Variants in SPAG16 observed in about 807,000 individuals in gnomAD.
SPAG16 encodes sperm associated antigen 16.
A neutral mutation model predicts 80.4 loss-of-function variants in SPAG16; 86 were observed. That is an observed-to-expected ratio of 1.07 (90% CI 0.90 to 1.28). SPAG16 has a LOEUF of 1.28. Ranked by LOEUF, SPAG16 falls within the 50% of genes most tolerant of loss-of-function variation. SPAG16 has a pLI of 0.00. For synonymous variants in SPAG16, 294 were observed against 265.9 expected (o/e 1.11, Z -1.03); for missense variants, 870 against 765.3 (o/e 1.14, Z -1.61).
intron 10 of SPAG16, among the ~76,000 whole-genome samples, chr2:213,617,682 A>T (rs78081328): frequency 6.6e-6 from 1 of 152,106 alleles, no homozygotes; most frequent in African/African-American, 2.4e-5. Flanking sequence ...GCATAGTGGC[A>T]TGTGCCTGTA....
intron 10 of SPAG16, among the ~76,000 whole-genome samples, chr2:213,814,872 A>AATAT (rs34269015): frequency 4.5e-4 from 66 of 148,258 alleles, no homozygotes; most frequent in East Asian, 1.4e-3. Context: ...AACAGCCTTA[A>AATAT]ATATATATAT....
At chr2:214,262,188 A>G (rs1576623854) in intron 15 of SPAG16, among the ~76,000 whole-genome samples, 2 of 152,088 alleles carry the variant, frequency 1.3e-5, no homozygotes, top group African/African-American at 4.8e-5. Flanking sequence ...AGTGTATTAT[A>G]TAAGAAAAAC....
chr2:213,867,183 A>G (rs924252159), intron 11 of SPAG16, among the ~76,000 whole-genome samples: 3 of 152,216 alleles, frequency 2.0e-5, no homozygotes, highest in African/African-American at 7.2e-5. Context: ...ATTTACCACT[A>G]GATTAAGGTC....
chr2:214,012,279 TATATATATA>T (rs1448598170), intron 12 of SPAG16, among the ~76,000 whole-genome samples: 2,808 of 58,966 alleles, frequency 0.048, 70 homozygotes, highest in East Asian at 0.067. Flanking sequence ...TATATATATA[TATATATATA>T]TTTTTTTTTT....
intron 15 of SPAG16, among the ~76,000 whole-genome samples, chr2:214,289,520 A>T (rs1693632640): frequency 6.6e-6 from 1 of 152,186 alleles, no homozygotes; most frequent in Non-Finnish European, 1.5e-5. Flanking sequence ...TAATGCCTTT[A>T]TCAAAAATAA....
chr2:213,590,014 C>G (rs1169601183), intron 10 of SPAG16, among the ~76,000 whole-genome samples: 2 of 151,766 alleles, frequency 1.3e-5, no homozygotes, highest in African/African-American at 4.8e-5. Flanking sequence ...AATAATATTC[C>G]CTCCCATTCT....
chr2:213,986,364 G>C (rs1012040916), intron 12 of SPAG16, among the ~76,000 whole-genome samples: 1 of 151,712 alleles, frequency 6.6e-6, no homozygotes, highest in Non-Finnish European at 1.5e-5. Context: ...ATTGTATTTA[G>C]TTATAATTAA....
intron 11 of SPAG16, among the ~76,000 whole-genome samples, chr2:213,868,549 G>T (rs536772270): frequency 6.6e-6 from 1 of 152,192 alleles, no homozygotes; most frequent in Admixed American, 6.5e-5. Flanking sequence ...TACACCAGAC[G>T]ACTGCTTCAT....
At chr2:213,528,305 G>A (rs1212830466) in intron 10 of SPAG16, among the ~76,000 whole-genome samples, 1 of 152,118 alleles carries the variant, frequency 6.6e-6, no homozygotes, top group Non-Finnish European at 1.5e-5. Context: ...GTCTTTGGCA[G>A]GGGGTGGGGG....
chr2:213,649,546 T>G (rs1487199877), intron 10 of SPAG16, among the ~76,000 whole-genome samples: 1 of 152,220 alleles, frequency 6.6e-6, no homozygotes, highest in African/African-American at 2.4e-5. Flanking sequence ...TATATTTTAT[T>G]TAGCACAGCT....
At chr2:213,947,423 T>C (rs1167453569) in intron 12 of SPAG16, among the ~76,000 whole-genome samples, 1 of 152,166 alleles carries the variant, frequency 6.6e-6, no homozygotes, top group East Asian at 1.9e-4. Flanking sequence ...TTTTAATTGG[T>C]ATTTCTACCA....
intron 15 of SPAG16, among the ~76,000 whole-genome samples, chr2:214,408,983 T>C (rs1702152232): frequency 6.6e-6 from 1 of 151,458 alleles, no homozygotes; most frequent in Admixed American, 6.6e-5. Flanking sequence ...AAATATTAAA[T>C]AGTTAATACT....
At chr2:213,624,241 A>AATAAT (rs10693252) in intron 10 of SPAG16, among the ~76,000 whole-genome samples, 62,353 of 151,532 alleles carry the variant, frequency 0.41, 13,337 homozygotes, top group African/African-American at 0.51. Flanking sequence ...ATGGTTGAAG[A>AATAAT]TCAGGCTATT....
chr2:213,529,651 C>T (rs2076002524), intron 10 of SPAG16, among the ~76,000 whole-genome samples: 1 of 152,124 alleles, frequency 6.6e-6, no homozygotes, highest in South Asian at 2.1e-4. Context: ...ATAATCTGTA[C>T]AGTATGTTAC....
intron 10 of SPAG16, among the ~76,000 whole-genome samples, chr2:213,712,844 C>T (rs1349044027): frequency 1.3e-5 from 2 of 152,114 alleles, no homozygotes; most frequent in Non-Finnish European, 2.9e-5. Context: ...TAGACAGCTT[C>T]CCTGCTTACC....
At position 214,014,094 on chromosome 2, in the gene SPAG16, C is replaced by CT. The variant is rs763561383; in HGVS notation, c.1527+24dup. ...GCAAGAACAGTAAGCAAATCATTCA[C>CT]TTTTTTTCCCAGCTTTTGATAAGTC... On this transcript the variant is annotated intron_variant, in intron 13 of 15. Coordinates refer to ENST00000331683, the MANE Select transcript of SPAG16 (RefSeq NM_024532.5). 29 of 1,610,564 alleles carry CT rather than the reference C, an allele frequency of 1.8e-5. No homozygotes were observed. In the South Asian group the frequency reaches 2.3e-4, roughly 13 times the overall value.
At chr2:214,048,082 C>A (rs62191957) in intron 13 of SPAG16, among the ~76,000 whole-genome samples, 35,686 of 152,076 alleles carry the variant, frequency 0.23, 4,609 homozygotes, top group Middle Eastern at 0.28. Context: ...CCTCCTCATA[C>A]ACTGTTGGTG....
At chr2:214,359,886 T>C (rs1051686407) in intron 15 of SPAG16, among the ~76,000 whole-genome samples, 5 of 151,906 alleles carry the variant, frequency 3.3e-5, no homozygotes, top group Non-Finnish European at 7.4e-5. Flanking sequence ...CACCAAGGAC[T>C]TTTTTGCTAA....
chr2:213,735,648 C>T (rs922852495), intron 10 of SPAG16, among the ~76,000 whole-genome samples: 7 of 152,218 alleles, frequency 4.6e-5, no homozygotes, highest in East Asian at 1.9e-4. Flanking sequence ...GTTTTAGCCA[C>T]GTTCCTCTCA....
Sources: gnomAD v4.1 joint callset for allele counts (sites outside exome capture counted in the v4.1 genomes callset) on GRCh38, gnomAD v4.1.1 for gene constraint, MANE v1.5 for transcripts, NCBI Gene and HGNC (gene_info 2026-07-23, HGNC 2026-07-21) for gene names.